CRACDL: variants seen among roughly 807,000 people sequenced by gnomAD.
The protein encoded by CRACDL is CRACD like.
Under a neutral mutation model 70.6 loss-of-function variants are expected in CRACDL, and 26 were observed. The ratio of observed to expected loss-of-function variants is 0.37; its 90% CI spans 0.27 to 0.51. The LOEUF (loss-of-function observed/expected upper bound fraction) is 0.51. CRACDL is among the 20% of genes least tolerant of loss of function. CRACDL has a pLI of 0.94. For synonymous variants in CRACDL, 618 were observed against 615.2 expected, an observed-to-expected ratio of 1.00 and a Z score of -0.07; for missense variants, 1,283 against 1,376.9, an observed-to-expected ratio of 0.93 and a Z score of 1.08.
chr2:98,840,016 G>A (rs997883652), intron 2 of CRACDL, among the ~76,000 whole-genome samples: 1 of 151,898 alleles, frequency 6.6e-6, no homozygotes, highest in Non-Finnish European at 1.5e-5. Flanking sequence ...ATTAATTTCT[G>A]TTCTTATCTT....
intron 7 of CRACDL, among the ~76,000 whole-genome samples, chr2:98,810,037 G>A (rs1704489598): frequency 6.6e-6 from 1 of 152,082 alleles, no homozygotes; most frequent in South Asian, 2.1e-4. Flanking sequence ...CCCCTGCCTT[G>A]CTCCCTCCCT....
intron 1 of CRACDL, among the ~76,000 whole-genome samples, chr2:98,898,090 A>C (rs1486444140): frequency 6.6e-6 from 1 of 152,270 alleles, no homozygotes; most frequent in East Asian, 1.9e-4. Flanking sequence ...TAAAGAATCA[A>C]GAGTTAGTTA....
chr2:98,892,039 C>G (rs1017589057), intron 1 of CRACDL, among the ~76,000 whole-genome samples: 1 of 152,188 alleles, frequency 6.6e-6, no homozygotes, highest in Non-Finnish European at 1.5e-5. Flanking sequence ...GTAGACACTA[C>G]TCAATTGGCA....
chr2:98,911,956 C>G (rs536139146), intron 1 of CRACDL, among the ~76,000 whole-genome samples: 1 of 152,200 alleles, frequency 6.6e-6, no homozygotes, highest in Non-Finnish European at 1.5e-5. Context: ...AATGCTGACA[C>G]GCTTGTGATT....
At chr2:98,862,135 T>C (rs1225715326) in intron 1 of CRACDL, among the ~76,000 whole-genome samples, 1 of 152,030 alleles carries the variant, frequency 6.6e-6, no homozygotes, top group African/African-American at 2.4e-5. Flanking sequence ...CAAAAGCAAC[T>C]ACATAAGGGG....
intron 7 of CRACDL, among the ~76,000 whole-genome samples, chr2:98,813,531 A>T (rs1312341948): frequency 6.6e-6 from 1 of 152,254 alleles, no homozygotes; most frequent in Non-Finnish European, 1.5e-5. Flanking sequence ...CATAGGCAAA[A>T]GTATGAACCT....
At chr2:98,888,700 C>T (rs1558624133) in intron 1 of CRACDL, among the ~76,000 whole-genome samples, 1 of 152,120 alleles carries the variant, frequency 6.6e-6, no homozygotes, top group Non-Finnish European at 1.5e-5. Flanking sequence ...CACTCAAATA[C>T]TCCAATTAAA....
intron 7 of CRACDL, among the ~76,000 whole-genome samples, chr2:98,805,601 C>T (rs1002581550): frequency 1.3e-5 from 2 of 152,314 alleles, no homozygotes; most frequent in African/African-American, 2.4e-5. Context: ...TGCTCCACTT[C>T]CTCTCCTAAG....
At chr2:98,813,964 T>G (rs1704677077) in intron 7 of CRACDL, among the ~76,000 whole-genome samples, 1 of 152,190 alleles carries the variant, frequency 6.6e-6, no homozygotes, top group Non-Finnish European at 1.5e-5. Flanking sequence ...TTCTTCTCAT[T>G]TGTCAAATTT....
At chr2:98,820,863 G>A (rs1021333243) in intron 7 of CRACDL, among the ~76,000 whole-genome samples, 40 of 152,202 alleles carry the variant, frequency 2.6e-4, no homozygotes, top group African/African-American at 8.2e-4. Context: ...TGAGCCACGT[G>A]AACCTGATTA....
intron 1 of CRACDL, among the ~76,000 whole-genome samples, chr2:98,853,807 C>T (rs978376238): frequency 1.3e-5 from 2 of 152,118 alleles, no homozygotes; most frequent in South Asian, 4.1e-4. Flanking sequence ...AAGACTAACT[C>T]TAAACAGACA....
chr2:98,922,284 A>G (rs1708822058), intron 1 of CRACDL, among the ~76,000 whole-genome samples: 1 of 151,806 alleles, frequency 6.6e-6, no homozygotes, highest in Admixed American at 6.6e-5. Flanking sequence ...AATACAAAAT[A>G]CACCCATGCA....
At chr2:98,819,852 C>G (rs907562153) in intron 7 of CRACDL, among the ~76,000 whole-genome samples, 5 of 138,726 alleles carry the variant, frequency 3.6e-5, no homozygotes, top group African/African-American at 1.4e-4. Context: ...TGGAGTCTCG[C>G]TCTGTCACCC....
At chr2:98,894,859 A>G (rs1708076731) in intron 1 of CRACDL, among the ~76,000 whole-genome samples, 1 of 152,014 alleles carries the variant, frequency 6.6e-6, no homozygotes, top group Non-Finnish European at 1.5e-5. Context: ...TAATCTCAGC[A>G]CTTTGGGAGG....
chr2:98,803,260 A>T (rs1256934710), intron 7 of CRACDL, among the ~76,000 whole-genome samples: 1 of 152,082 alleles, frequency 6.6e-6, no homozygotes, highest in Non-Finnish European at 1.5e-5. Context: ...TCAGCCTCCC[A>T]AAGTGCTGGG....
chr2:98,906,141 C>T (rs1558633647), intron 1 of CRACDL, among the ~76,000 whole-genome samples: 2 of 152,184 alleles, frequency 1.3e-5, no homozygotes. Flanking sequence ...TTTCGTCACT[C>T]TGTGACTCAG....
rs372439503 is a variant in CRACDL at position 98,822,224 on chromosome 2, G to C, written c.2049C>G (p.Pro683=). 28 of 1,606,824 alleles carry C rather than the reference G, an allele frequency of 1.7e-5. No homozygotes were observed. Among genetic ancestry groups the C allele is most frequent in the Admixed American group, 1.7e-4 (10 of 59,914 alleles). The change falls in exon 7 of 10, where the codon CCC becomes CCG. Residue 683 remains proline (P), a synonymous_variant. Transcript: ENST00000397899. The surrounding 1 kb of genome is among the most constrained non-coding windows in gnomAD (Gnocchi z 4.9). ...PAPSEDRNPF[P]VKLRSTSLSL... Reference sequence around the variant, plus strand: ...AGAGGGAGGTGGACCGGAGCTTGACGGGGAAGGGGTTTCTGTCCTCACTCG... The same window carrying C: ...AGAGGGAGGTGGACCGGAGCTTGACCGGGAAGGGGTTTCTGTCCTCACTCG...
chr2:98,927,140 T>G (rs1573210474), intron 1 of CRACDL, among the ~76,000 whole-genome samples: 1 of 152,296 alleles, frequency 6.6e-6, no homozygotes, highest in East Asian at 1.9e-4. Flanking sequence ...ACTATGGACG[T>G]ATCTGGTTTC....
chr2:98,804,705 A>G (rs766434027), intron 7 of CRACDL, among the ~76,000 whole-genome samples: 9 of 152,198 alleles, frequency 5.9e-5, no homozygotes, highest in Non-Finnish European at 1.3e-4. Context: ...GATAAGCTTC[A>G]TTCAGGCCTG....
Sources: allele counts gnomAD v4.1 joint callset (sites outside exome capture counted in the v4.1 genomes callset), GRCh38; gene constraint gnomAD v4.1.1; non-coding constraint Gnocchi (gnomAD v3.1); transcripts MANE v1.5; gene names NCBI Gene and HGNC (gene_info 2026-07-23, HGNC 2026-07-21).